The following DNAAF11 variants were observed in gnomAD, a reference collection of about 807,000 sequenced individuals.
DNAAF11 encodes leucine rich repeat containing 6.
DNAAF11 carries 45 observed loss-of-function variants against 60.8 expected under a neutral mutation model. The ratio of observed to expected loss-of-function variants is 0.74; its 90% CI spans 0.58 to 0.95. DNAAF11 has a LOEUF of 0.95. Among genes scored for constraint, DNAAF11 ranks in the 40% least tolerant of loss-of-function variants. DNAAF11 has a pLI of 0.00. For synonymous variants in DNAAF11, 191 were observed against 183.5 expected (o/e 1.04, Z -0.33); for missense variants, 546 against 546.2 (o/e 1.00, Z 0.00).
At chr8:132,585,972 C>T (rs1402130257) in intron 10 of DNAAF11, among the ~76,000 whole-genome samples, 2 of 152,100 alleles carry the variant, frequency 1.3e-5, no homozygotes, top group African/African-American at 4.8e-5. Flanking sequence ...ATATCCTGGC[C>T]TTCCCTTAAG....
At chr8:132,674,196 A>AGGAGGAGGAGG (rs1563726516) in intron 1 of DNAAF11, among the ~76,000 whole-genome samples, 2 of 94,218 alleles carry the variant, frequency 2.1e-5, no homozygotes, top group African/African-American at 9.8e-5. Flanking sequence ...GGAGGAGGAG[A>AGGAGGAGGAGG]AGGAGGAGGA....
chr8:132,624,024 T>C (rs903324586), intron 6 of DNAAF11, among the ~76,000 whole-genome samples: 8 of 152,138 alleles, frequency 5.3e-5, no homozygotes, highest in Non-Finnish European at 1.0e-4. Flanking sequence ...CTTACTTTAT[T>C]AGGTAACAGG....
chr8:132,602,768 T>C (rs77622770), intron 10 of DNAAF11, among the ~76,000 whole-genome samples: 1,720 of 146,688 alleles, frequency 0.012, 12 homozygotes, highest in Middle Eastern at 0.033. Context: ...TATATATATA[T>C]ACACACAGCA....
intron 8 of DNAAF11, among the ~76,000 whole-genome samples, chr8:132,612,346 A>G (rs1363555662): frequency 6.6e-6 from 1 of 151,128 alleles, no homozygotes; most frequent in African/African-American, 2.4e-5. Context: ...ACAGCTTCAC[A>G]TGTGATATCT....
At chr8:132,656,458 C>A (rs375401352) in intron 3 of DNAAF11, among the ~76,000 whole-genome samples, 3 of 152,080 alleles carry the variant, frequency 2.0e-5, no homozygotes. Context: ...TTATACAAGA[C>A]TGTTTAAATC....
intron 1 of DNAAF11, among the ~76,000 whole-genome samples, chr8:132,673,574 T>C (rs540611478): frequency 5.4e-4 from 82 of 152,286 alleles, no homozygotes; most frequent in African/African-American, 1.9e-3. Context: ...GCCTTCCTTA[T>C]CTCTTTGCTC....
chr8:132,688,771 T>C, the DNAAF11 span, among the ~76,000 whole-genome samples: 1 of 152,196 alleles, frequency 6.6e-6, no homozygotes, highest in Non-Finnish European at 1.5e-5. Flanking sequence ...AAGTCACTCT[T>C]GGACTTTTTG....
the DNAAF11 span, among the ~76,000 whole-genome samples, chr8:132,685,556 A>G: frequency 6.6e-6 from 1 of 152,204 alleles, no homozygotes; most frequent in Admixed American, 6.5e-5. Flanking sequence ...AACCCTTCTC[A>G]CGTTGGCTGG....
At chr8:132,588,037 A>T (rs767401374) in intron 10 of DNAAF11, among the ~76,000 whole-genome samples, 6 of 152,226 alleles carry the variant, frequency 3.9e-5, no homozygotes, top group Non-Finnish European at 5.9e-5. Context: ...AGACTATGTG[A>T]GCTGTGTAAA....
At chr8:132,689,679 ATG>A in the DNAAF11 span, among the ~76,000 whole-genome samples, 1 of 151,184 alleles carries the variant, frequency 6.6e-6, no homozygotes, top group Non-Finnish European at 1.5e-5. Flanking sequence ...ATATACATAT[ATG>A]TGTGTGTGTA....
intron 10 of DNAAF11, among the ~76,000 whole-genome samples, chr8:132,602,460 C>T (rs190434002): frequency 5.3e-5 from 8 of 152,164 alleles, no homozygotes; most frequent in African/African-American, 1.7e-4. Context: ...CTCTATTGGC[C>T]GCCTTCCCTT....
chr8:132,573,730 T>C (rs1814454809), intron 11 of DNAAF11, among the ~76,000 whole-genome samples: 1 of 152,214 alleles, frequency 6.6e-6, no homozygotes, highest in Admixed American at 6.5e-5. Flanking sequence ...TCTGAAAGTG[T>C]CAACTCTCTA....
At chr8:132,578,622 T>G (rs1321692253) in intron 11 of DNAAF11, 1 of 661,672 alleles carries the variant, frequency 1.5e-6, no homozygotes, top group Non-Finnish European at 2.5e-6. Flanking sequence ...TTCATTCCTT[T>G]TATCAAAAAA....
At chr8:132,583,626 T>G in intron 11 of DNAAF11, 68 bp downstream of exon 11, 1 of 1,271,802 alleles carries the variant, frequency 7.9e-7, no homozygotes, top group Non-Finnish European at 1.1e-6. Context: ...GGAAGCTGCA[T>G]TCCAACCAAC....
chr8:132,650,723 G>T (rs1822924638), intron 3 of DNAAF11, among the ~76,000 whole-genome samples: 1 of 152,044 alleles, frequency 6.6e-6, no homozygotes. Context: ...ATATATTTGG[G>T]GTAATCTGAC....
chr8:132,619,607 G>A lies in DNAAF11; in HGVS notation c.914+3004C>T, dbSNP rs903924826. Among the ~76,000 whole-genome samples, 8 of 152,278 alleles carry A rather than the reference G, an allele frequency of 5.3e-5. No individual in the cohort carries two copies. The South Asian group carries it at 1.5e-3, about 28-fold the overall frequency. On this transcript the variant is annotated intron_variant, in intron 7 of 11. Transcript: ENST00000620350. ...AATGCACAGAAGTGGTTTCAAGAAG[G>A]AATATGAAGTTAGAAACTGGAGACC...
At chr8:132,585,412 G>C (rs1815786969) in intron 10 of DNAAF11, among the ~76,000 whole-genome samples, 1 of 152,192 alleles carries the variant, frequency 6.6e-6, no homozygotes, top group African/African-American at 2.4e-5. Context: ...TCTCATGGGA[G>C]GGTGTATGTG....
At chr8:132,611,244 G>T in intron 9 of DNAAF11, 50 bp downstream of exon 9, 1 of 1,314,284 alleles carries the variant, frequency 7.6e-7, no homozygotes, top group Non-Finnish European at 1.1e-6. Context: ...CCACAGCTTA[G>T]TTCAAAGCTT....
upstream of DNAAF11, chr8:132,675,749 T>G: frequency 2.4e-6 from 1 of 410,436 alleles, no homozygotes; most frequent in Non-Finnish European, 4.3e-6. Context: ...TCGTCGCACT[T>G]CCGACTTGCC....
Sources: gnomAD v4.1 joint callset for allele counts (sites outside exome capture counted in the v4.1 genomes callset) on GRCh38, gnomAD v4.1.1 for gene constraint, MANE v1.5 for transcripts, NCBI Gene and HGNC (gene_info 2026-07-23, HGNC 2026-07-21) for gene names.